The following IQSEC1 variants were observed in gnomAD, a reference collection of about 807,000 sequenced individuals.
The protein encoded by IQSEC1 is IQ motif and SEC7 domain-containing protein 1.
IQSEC1 carries 31 observed loss-of-function variants against 91.0 expected under a neutral mutation model. That is an observed-to-expected ratio of 0.34 (90% CI 0.26 to 0.46). IQSEC1 has a LOEUF of 0.46. IQSEC1 is among the 20% of genes least tolerant of loss of function. The pLI is 1.00. For missense variants in IQSEC1, 1,388 were observed against 1,575.6 expected (o/e 0.88, Z 2.02); for synonymous variants, 699 against 662.6 (o/e 1.05, Z -0.84).
intron 1 of IQSEC1, among the ~76,000 whole-genome samples, chr3:13,229,084 A>ACACAC (rs1491434366): frequency 2.6e-5 from 4 of 152,142 alleles, no homozygotes; most frequent in South Asian, 2.1e-4. Context: ...CCACTGGCAT[A>ACACAC]CACACACACA....
rs74952480 is a variant in IQSEC1, at chr3:13,187,193, C to A, written c.273-23060G>T. 2.0e-5 allele frequency among the ~76,000 whole-genome samples: 3 copies of A among 152,280 alleles called. No individual in the cohort carries two copies. In the East Asian group the frequency reaches 5.8e-4, roughly 29 times the overall value. The stretch of plus-strand genomic sequence containing the variant: ...CTGAGTATCTACTATGGGTTAGGCA[C>A]TATACTAAATGGAGATGCACCAAGC... On this transcript the variant is annotated intron_variant, in intron 1 of 15. Coordinates refer to the IQSEC1 transcript ENST00000648114.
At chr3:13,278,871 A>G (rs921597501) in intron 1 of IQSEC1, among the ~76,000 whole-genome samples, 6 of 152,140 alleles carry the variant, frequency 3.9e-5, no homozygotes, top group Admixed American at 1.3e-4. Flanking sequence ...GCCAAGCCAG[A>G]CCATCTGAGT....
intron 1 of IQSEC1, among the ~76,000 whole-genome samples, chr3:13,054,552 A>C (rs940827930): frequency 9.9e-5 from 15 of 152,032 alleles, no homozygotes; most frequent in African/African-American, 3.4e-4. Flanking sequence ...GCCTCCCTCC[A>C]CCCCGTCACG....
At chr3:13,149,228 T>C (rs1381762481) in intron 2 of IQSEC1, among the ~76,000 whole-genome samples, 1 of 152,172 alleles carries the variant, frequency 6.6e-6, no homozygotes, top group Non-Finnish European at 1.5e-5. Flanking sequence ...GTGGCTGCTG[T>C]TTGACCCATT....
intron 1 of IQSEC1, among the ~76,000 whole-genome samples, chr3:13,250,277 G>C (rs953550837): frequency 6.6e-6 from 1 of 152,148 alleles, no homozygotes; most frequent in Non-Finnish European, 1.5e-5. Flanking sequence ...GAGGCTCAGC[G>C]GCACACACAG....
intron 3 of IQSEC1, among the ~76,000 whole-genome samples, chr3:12,927,122 C>T (rs1697214765): frequency 6.6e-6 from 1 of 152,224 alleles, no homozygotes; most frequent in African/African-American, 2.4e-5. Context: ...CAGCACCAGC[C>T]CACACCCTTC....
At chr3:12,929,523 C>T (rs1559634636) in intron 3 of IQSEC1, among the ~76,000 whole-genome samples, 1 of 152,206 alleles carries the variant, frequency 6.6e-6, no homozygotes. Flanking sequence ...AAAACTGGCT[C>T]CAGGTTGCCC....
rs149065597 is a variant in IQSEC1, at chr3:12,967,102, T to TCA, written c.24-25239_24-25238dup. Among the ~76,000 whole-genome samples the TCA allele has an allele frequency of 0.19, 28,864 of 148,462 alleles. 4,073 individuals are homozygous for TCA. Among genetic ancestry groups the TCA allele is most frequent in the East Asian group, 0.75 (3,736 of 4,958 alleles). On this transcript the variant is annotated intron_variant, in intron 1 of 13. Coordinates refer to ENST00000613206, the MANE Select transcript of IQSEC1 (RefSeq NM_001134382.3). This position sits in a 1 kb window ranked among gnomAD's most constrained non-coding sequence, Gnocchi z 5.9. ...AACTTGCACTCCAACAGGCCCTCGATCACACACACACACTCCCATCCTGAG... is the reference window on the plus strand; with the variant it reads ...AACTTGCACTCCAACAGGCCCTCGATCACACACACACACACTCCCATCCTGAG...
chr3:13,020,653 C>G (rs1703356821), intron 1 of IQSEC1, among the ~76,000 whole-genome samples: 4 of 152,138 alleles, frequency 2.6e-5, no homozygotes, highest in Admixed American at 6.5e-5. Context: ...CTAAATTGTG[C>G]TTTTTCCACT....
intron 2 of IQSEC1, among the ~76,000 whole-genome samples, chr3:13,147,980 C>T (rs1030140210): frequency 2.8e-4 from 43 of 152,288 alleles, no homozygotes; most frequent in African/African-American, 9.9e-4. Flanking sequence ...TGGGTAGATA[C>T]CCAGTAGTGG....
chr3:12,977,127 G>T (rs899860081), intron 1 of IQSEC1, among the ~76,000 whole-genome samples: 2 of 152,144 alleles, frequency 1.3e-5, no homozygotes, highest in African/African-American at 4.8e-5. Context: ...CAGGCAGATT[G>T]CTTGAGCTCA....
intron 1 of IQSEC1, among the ~76,000 whole-genome samples, chr3:13,071,831 T>C (rs1384072050): frequency 4.2e-5 from 4 of 94,772 alleles, no homozygotes; most frequent in Admixed American, 2.8e-4. Context: ...CAGAGGCCAC[T>C]GCCATCCCCC....
intron 1 of IQSEC1, among the ~76,000 whole-genome samples, chr3:13,005,530 G>A (rs566052025): frequency 5.5e-4 from 84 of 151,942 alleles, no homozygotes; most frequent in Non-Finnish European, 8.8e-4. Flanking sequence ...GGCAGGAGGC[G>A]CCTGGACAAG....
chr3:13,083,602 G>A (rs538010228), intron 2 of IQSEC1, among the ~76,000 whole-genome samples: 13 of 152,404 alleles, frequency 8.5e-5, no homozygotes, highest in South Asian at 4.1e-4. Context: ...CAGAGGCCTC[G>A]GGGCCTGCGT....
At chr3:13,027,473 G>A (rs1703665245) in intron 1 of IQSEC1, among the ~76,000 whole-genome samples, 1 of 152,234 alleles carries the variant, frequency 6.6e-6, no homozygotes, top group Non-Finnish European at 1.5e-5. Context: ...ACCGCAAGGG[G>A]GCAATGGCCA....
At chr3:13,073,464 C>A (rs973670503), upstream of IQSEC1, among the ~76,000 whole-genome samples, 1 of 152,156 alleles carries the variant, frequency 6.6e-6, no homozygotes, top group African/African-American at 2.4e-5. Flanking sequence ...CCTCCCCCAC[C>A]CCCCGCGCCC....
rs1285791371 is a variant in IQSEC1 at position 13,147,856 on chromosome 3, C to T, written c.302+16248G>A. Among the ~76,000 whole-genome samples the T allele has an allele frequency of 2.0e-5, 3 of 152,356 alleles. No homozygotes were observed. In the East Asian group the frequency reaches 5.8e-4, roughly 29 times the overall value. On this transcript the variant is annotated intron_variant, in intron 2 of 15. Coordinates refer to the IQSEC1 transcript ENST00000648114. ...CCATGTTGGCCAGGCTGGTCTCGAA[C>T]TCCTGACCTCAGGTGATCTGCCCGC...
At chr3:12,952,756 G>T (rs949799186) in intron 1 of IQSEC1, among the ~76,000 whole-genome samples, 1 of 152,168 alleles carries the variant, frequency 6.6e-6, no homozygotes, top group African/African-American at 2.4e-5. Flanking sequence ...TGCTCAGAGC[G>T]GACTTCCCCC....
chr3:12,943,112 AG>A (rs1698908311), intron 1 of IQSEC1, among the ~76,000 whole-genome samples: 1 of 152,148 alleles, frequency 6.6e-6, no homozygotes, highest in Non-Finnish European at 1.5e-5. Context: ...CCCCTTTTTC[AG>A]GTGAGGAGAC....
Sources: gnomAD v4.1 joint callset for allele counts (sites outside exome capture counted in the v4.1 genomes callset) on GRCh38, gnomAD v4.1.1 for gene constraint, Gnocchi (gnomAD v3.1) non-coding constraint, MANE v1.5 for transcripts, NCBI Gene and HGNC (gene_info 2026-07-23, HGNC 2026-07-21) for gene names.